The following HCRTR2 variants were observed in gnomAD, a reference collection of about 807,000 sequenced individuals.
The protein encoded by HCRTR2 is orexin receptor type 2.
A neutral mutation model predicts 49.0 loss-of-function variants in HCRTR2; 22 were observed. That is an observed-to-expected ratio of 0.45 (90% CI 0.32 to 0.64). The LOEUF is 0.64. HCRTR2 is among the 30% of genes least tolerant of loss of function. The pLI is 0.04. For synonymous variants in HCRTR2, 236 were observed against 205.3 expected, an observed-to-expected ratio of 1.15 and a Z score of -1.28; for missense variants, 491 against 559.4, an observed-to-expected ratio of 0.88 and a Z score of 1.23.
chr6:55,282,652 G>T (rs199945082), downstream of HCRTR2: 7 of 583,092 alleles, frequency 1.2e-5, no homozygotes, highest in African/African-American at 9.4e-5. Flanking sequence ...TATGTTAGAA[G>T]TTTAACCTTC....
intron 5 of HCRTR2, 59 bp downstream of exon 5, chr6:55,277,659 A>AAT: frequency 9.5e-6 from 11 of 1,156,614 alleles, no homozygotes; most frequent in Middle Eastern, 2.7e-4. Context: ...TTCTTAATTA[A>AAT]CTTTTTTTTT....
chr6:55,148,815 T>C (rs1764627686), intron 1 of HCRTR2, among the ~76,000 whole-genome samples: 2 of 152,160 alleles, frequency 1.3e-5, no homozygotes, highest in Non-Finnish European at 2.9e-5. Flanking sequence ...TATTTCATGC[T>C]TAAACACATA....
chr6:55,206,946 C>T (rs1211086499), intron 1 of HCRTR2, among the ~76,000 whole-genome samples: 1 of 151,960 alleles, frequency 6.6e-6, no homozygotes, highest in Non-Finnish European at 1.5e-5. Flanking sequence ...AGACAGGAGA[C>T]TTCATTATAT....
chr6:55,141,566 C>T, intron 1 of HCRTR2, among the ~76,000 whole-genome samples: 1 of 152,156 alleles, frequency 6.6e-6, no homozygotes. Context: ...AAGAACATTA[C>T]TTTTGTAAAA....
At chr6:55,207,370 A>G (rs1218426142) in intron 1 of HCRTR2, among the ~76,000 whole-genome samples, 1 of 152,132 alleles carries the variant, frequency 6.6e-6, no homozygotes, top group Non-Finnish European at 1.5e-5. Context: ...ACTCAGTTAA[A>G]TGTAGAAATT....
chr6:55,144,539 A>G (rs1764553200), intron 1 of HCRTR2, among the ~76,000 whole-genome samples: 1 of 152,092 alleles, frequency 6.6e-6, no homozygotes, highest in Non-Finnish European at 1.5e-5. Flanking sequence ...CAATTTTCCT[A>G]AATACCAGAA....
intron 1 of HCRTR2, among the ~76,000 whole-genome samples, chr6:55,213,057 G>A (rs1228987877): frequency 2.6e-5 from 4 of 151,126 alleles, no homozygotes; most frequent in African/African-American, 9.7e-5. Context: ...CGAGAAGAAA[G>A]TAAGAGTACA....
At chr6:55,182,048 C>A (rs1458356635) in intron 1 of HCRTR2, among the ~76,000 whole-genome samples, 1 of 152,302 alleles carries the variant, frequency 6.6e-6, no homozygotes, top group South Asian at 2.1e-4. Context: ...CAAACAAACC[C>A]TGAATTTTCA....
At chr6:55,207,389 C>T (rs1581829746) in intron 1 of HCRTR2, among the ~76,000 whole-genome samples, 1 of 152,174 alleles carries the variant, frequency 6.6e-6, no homozygotes, top group South Asian at 2.1e-4. Flanking sequence ...TTGATAAGGA[C>T]TTGCATTTTC....
chr6:55,268,890 A>C (rs1399998489), intron 4 of HCRTR2, among the ~76,000 whole-genome samples: 1 of 151,994 alleles, frequency 6.6e-6, no homozygotes, highest in Non-Finnish European at 1.5e-5. Context: ...GAAGATTGAG[A>C]CCATCCTAGC....
chr6:55,201,779 T>G (rs886451619), intron 1 of HCRTR2, among the ~76,000 whole-genome samples: 1 of 152,164 alleles, frequency 6.6e-6, no homozygotes, highest in Admixed American at 6.5e-5. Context: ...TATTTTATAC[T>G]TCAAGAAGAC....
upstream of HCRTR2, among the ~76,000 whole-genome samples, chr6:55,171,519 A>G (rs867671548): frequency 1.3e-5 from 2 of 152,314 alleles, no homozygotes; most frequent in Middle Eastern, 3.4e-3. Context: ...ATCAAAAATG[A>G]GTATTATAAT....
Position 55,128,730 on chromosome 6 carries a change from AAAAAGATATTTT to A in HCRTR2, c.-378+22187_-378+22198del, listed in dbSNP as rs1395681726. The stretch of plus-strand genomic sequence containing the variant: ...AGAATATCCATGTAGTTTAGTTTTA[AAAAAGATATTTT>A]ACAGACATTTTAGGTGTAATCAGTA... On this transcript the variant is annotated intron_variant, in intron 1 of 7. Transcript: ENST00000615358. Among the ~76,000 whole-genome samples, 3 of 152,248 alleles carry A rather than the reference AAAAAGATATTTT, an allele frequency of 2.0e-5. No homozygotes were observed. In the South Asian group the frequency reaches 6.2e-4, roughly 32 times the overall value.
intron 1 of HCRTR2, among the ~76,000 whole-genome samples, chr6:55,157,446 C>A (rs1246836158): frequency 6.6e-6 from 1 of 152,182 alleles, no homozygotes; most frequent in Non-Finnish European, 1.5e-5. Flanking sequence ...CCACTCAGGA[C>A]CAGGGAGAAC....
intron 1 of HCRTR2, among the ~76,000 whole-genome samples, chr6:55,126,871 T>C (rs1410778815): frequency 1.3e-5 from 2 of 152,130 alleles, no homozygotes; most frequent in African/African-American, 4.8e-5. Flanking sequence ...ACTGTGAGTG[T>C]AAAACTGCCT....
At chr6:55,251,896 C>G (rs1211117395) in intron 2 of HCRTR2, among the ~76,000 whole-genome samples, 2 of 151,980 alleles carry the variant, frequency 1.3e-5, no homozygotes, top group African/African-American at 4.8e-5. Context: ...CATTCATAAT[C>G]CACACTAGAT....
intron 1 of HCRTR2, among the ~76,000 whole-genome samples, chr6:55,157,740 A>G (rs1449261073): frequency 6.6e-6 from 1 of 152,234 alleles, no homozygotes; most frequent in Non-Finnish European, 1.5e-5. Flanking sequence ...CTCTGTTGGT[A>G]ATACAAGGAA....
At chr6:55,256,843 C>T (rs766240798) in intron 3 of HCRTR2, among the ~76,000 whole-genome samples, 12 of 152,116 alleles carry the variant, frequency 7.9e-5, no homozygotes, top group Non-Finnish European at 1.3e-4. Flanking sequence ...ACTCTGCTTA[C>T]GGGAGCACAC....
At chr6:55,283,817 C>A (rs775372278), downstream of HCRTR2, among the ~76,000 whole-genome samples, 72 of 152,214 alleles carry the variant, frequency 4.7e-4, no homozygotes, top group Non-Finnish European at 9.4e-4. Context: ...TTTTCCATTA[C>A]ACTCAGAGAA....
Sources: allele counts gnomAD v4.1 joint callset (sites outside exome capture counted in the v4.1 genomes callset), GRCh38; gene constraint gnomAD v4.1.1; transcripts MANE v1.5; gene names NCBI Gene and HGNC (gene_info 2026-07-23, HGNC 2026-07-21).